Variants in CAST observed in about 807,000 individuals in gnomAD.
CAST encodes MIR583 host.
Under a neutral mutation model 119.6 loss-of-function variants are expected in CAST, and 76 were observed. The observed-to-expected ratio is 0.64, with a 90% CI of 0.53 to 0.77. The LOEUF (loss-of-function observed/expected upper bound fraction) is 0.77, where lower values mean the gene tolerates loss of function less well. Ranked by LOEUF, CAST falls within the 30% of genes least tolerant of loss-of-function variation. The pLI is 0.00. For synonymous variants in CAST, 319 were observed against 331.6 expected (o/e 0.96, Z 0.41); for missense variants, 953 against 946.5 (o/e 1.01, Z -0.09).
the CAST span, among the ~76,000 whole-genome samples, chr5:96,225,450 AAC>A: frequency 6.6e-6 from 1 of 152,182 alleles, no homozygotes; most frequent in Non-Finnish European, 1.5e-5. Context: ...ATACTTTAAA[AAC>A]ACACAAAGAT....
the CAST span, among the ~76,000 whole-genome samples, chr5:96,277,363 A>ACTG: frequency 6.9e-6 from 1 of 145,602 alleles, no homozygotes. Context: ...CAGCTTTTAT[A>ACTG]TTGGTTTTTT....
At chr5:96,132,281 A>C in the CAST span, among the ~76,000 whole-genome samples, 1 of 152,118 alleles carries the variant, frequency 6.6e-6, no homozygotes, top group East Asian at 1.9e-4. Flanking sequence ...AAAAAATTTT[A>C]TTGATACATA....
chr5:96,456,127 G>A, the CAST span, among the ~76,000 whole-genome samples: 2 of 152,122 alleles, frequency 1.3e-5, no homozygotes, highest in Non-Finnish European at 2.9e-5. Context: ...AGGATGACCC[G>A]AGCCCCCTAA....
chr5:96,719,092 T>C (rs1202768260), intron 3 of CAST, among the ~76,000 whole-genome samples: 2 of 152,020 alleles, frequency 1.3e-5, no homozygotes, highest in Non-Finnish European at 2.9e-5. Flanking sequence ...GAATGATTGT[T>C]CCATCAGCTA....
chr5:96,467,814 A>T, the CAST span, among the ~76,000 whole-genome samples: 1 of 152,110 alleles, frequency 6.6e-6, no homozygotes, highest in African/African-American at 2.4e-5. Context: ...CCTCTATAAA[A>T]AAACAATACG....
chr5:96,123,890 T>TC, the CAST span, among the ~76,000 whole-genome samples: 1 of 152,064 alleles, frequency 6.6e-6, no homozygotes, highest in Non-Finnish European at 1.5e-5. Context: ...AGATTTTTTT[T>TC]CCCCCTGCTT....
the CAST span, among the ~76,000 whole-genome samples, chr5:96,230,586 G>A: frequency 6.6e-6 from 1 of 152,084 alleles, no homozygotes; most frequent in Non-Finnish European, 1.5e-5. Context: ...CTTTGGGTTA[G>A]GCAATGATTT....
chr5:96,211,723 G>A, the CAST span, among the ~76,000 whole-genome samples: 1 of 151,958 alleles, frequency 6.6e-6, no homozygotes, highest in African/African-American at 2.4e-5. Context: ...TAATTCTTCT[G>A]TAAACATTGG....
chr5:96,324,844 G>A, the CAST span, among the ~76,000 whole-genome samples: 1 of 151,996 alleles, frequency 6.6e-6, no homozygotes, highest in South Asian at 2.1e-4. Flanking sequence ...AGTGACAAGA[G>A]TAAACAGGTT....
intron 1 of CAST, 42 bp downstream of exon 1, chr5:96,662,539 G>A (rs1748681787): frequency 7.5e-7 from 1 of 1,338,380 alleles, no homozygotes; most frequent in African/African-American, 1.5e-5. Flanking sequence ...TGGGCGATGG[G>A]GTACCGGGTC....
chr5:96,588,191 TC>T, intron 1 of CAST, among the ~76,000 whole-genome samples: 1 of 136,602 alleles, frequency 7.3e-6, no homozygotes, highest in African/African-American at 2.8e-5. Flanking sequence ...TTTCTTTCTT[TC>T]TTTCTTTTTT....
At chr5:96,068,524 C>T in the CAST span, among the ~76,000 whole-genome samples, 1 of 151,488 alleles carries the variant, frequency 6.6e-6, no homozygotes, top group African/African-American at 2.4e-5. Flanking sequence ...ATATGGGAAC[C>T]CACCCACTGG....
At chr5:96,699,558 A>G (rs1753651964) in intron 3 of CAST, among the ~76,000 whole-genome samples, 2 of 152,200 alleles carry the variant, frequency 1.3e-5, no homozygotes, top group South Asian at 4.1e-4. Flanking sequence ...TCTGCCACTG[A>G]CAATGCAGAA....
intron 16 of CAST, among the ~76,000 whole-genome samples, chr5:96,743,153 A>G (rs761085020): frequency 6.6e-6 from 1 of 152,176 alleles, no homozygotes; most frequent in African/African-American, 2.4e-5. Context: ...TCCTTCATTT[A>G]TCACTATGGG....
chr5:96,000,957 A>G, the CAST span, among the ~76,000 whole-genome samples: 1 of 152,180 alleles, frequency 6.6e-6, no homozygotes, highest in African/African-American at 2.4e-5. Context: ...TCCCAGGTAG[A>G]CCTTATTAAA....
the CAST span, among the ~76,000 whole-genome samples, chr5:95,979,898 A>G: frequency 6.6e-6 from 1 of 152,156 alleles, no homozygotes; most frequent in Non-Finnish European, 1.5e-5. Flanking sequence ...TGGGTGGATC[A>G]CCTTGGGTCA....
chr5:96,189,937 T>C, the CAST span, among the ~76,000 whole-genome samples: 7 of 152,370 alleles, frequency 4.6e-5, no homozygotes, highest in South Asian at 1.2e-3. Context: ...GTTTTTATCT[T>C]GATCTTTCTC....
the CAST span, among the ~76,000 whole-genome samples, chr5:96,435,719 T>C: frequency 1.9e-4 from 29 of 152,350 alleles, no homozygotes; most frequent in African/African-American, 6.7e-4. Context: ...TTATAAGTTA[T>C]CAAGTGATTG....
intron 1 of CAST, among the ~76,000 whole-genome samples, chr5:96,599,975 A>AAAAAAAAAAGAAAG (rs762798506): frequency 1.4e-5 from 2 of 140,508 alleles, no homozygotes; most frequent in African/African-American, 2.8e-5. Context: ...GCAAAAAAAA[A>AAAAAAAAAAGAAAG]AAAAAAAACC....
Sources: gnomAD v4.1 joint callset for allele counts (sites outside exome capture counted in the v4.1 genomes callset) on GRCh38, gnomAD v4.1.1 for gene constraint, MANE v1.5 for transcripts, NCBI Gene and HGNC (gene_info 2026-07-23, HGNC 2026-07-21) for gene names.